The following TBC1D5 variants were observed in gnomAD, a reference collection of about 807,000 sequenced individuals.
TBC1D5 encodes TBC1 domain family member 5.
A neutral mutation model predicts 100.3 loss-of-function variants in TBC1D5; 75 were observed. That is an observed-to-expected ratio of 0.75 (90% CI 0.62 to 0.91). The LOEUF (loss-of-function observed/expected upper bound fraction) is 0.91. Ranked by LOEUF, TBC1D5 falls within the 40% of genes least tolerant of loss-of-function variation. The pLI, the probability that TBC1D5 is intolerant of heterozygous loss-of-function variation, is 0.00. For synonymous variants in TBC1D5, 323 were observed against 325.6 expected (o/e 0.99, Z 0.09); for missense variants, 910 against 942.4 (o/e 0.97, Z 0.45).
intron 15 of TBC1D5, among the ~76,000 whole-genome samples, chr3:17,269,830 C>A (rs1437011532): frequency 6.6e-6 from 1 of 152,120 alleles, no homozygotes; most frequent in Non-Finnish European, 1.5e-5. Context: ...CAGTTTCATT[C>A]CTTTTTATGG....
At chr3:17,454,059 A>C (rs2094991573) in intron 3 of TBC1D5, among the ~76,000 whole-genome samples, 1 of 152,230 alleles carries the variant, frequency 6.6e-6, no homozygotes, top group Admixed American at 6.5e-5. Flanking sequence ...GATAAAGTTC[A>C]GCATTCCTTT....
chr3:17,545,813 C>G (rs1036972888), intron 2 of TBC1D5, among the ~76,000 whole-genome samples: 1 of 152,188 alleles, frequency 6.6e-6, no homozygotes, highest in Non-Finnish European at 1.5e-5. Flanking sequence ...AACCTTCAAA[C>G]TGGTTTCTTT....
intron 19 of TBC1D5, among the ~76,000 whole-genome samples, chr3:17,171,805 A>G (rs757751213): frequency 1.3e-5 from 2 of 152,198 alleles, no homozygotes; most frequent in Non-Finnish European, 2.9e-5. Context: ...TACAGCAGCC[A>G]GACTGCCTAA....
chr3:17,720,687 G>A (rs184970027), intron 1 of TBC1D5, among the ~76,000 whole-genome samples: 135 of 152,258 alleles, frequency 8.9e-4, no homozygotes, highest in African/African-American at 3.2e-3. Flanking sequence ...GCACATACCT[G>A]TGGTCCCAGC....
Position 17,515,329 on chromosome 3 carries a change from G to GT in TBC1D5, c.-35-6725dup, listed in dbSNP as rs570419599. On this transcript the variant is annotated intron_variant, in intron 2 of 21. Transcript: ENST00000253692. ...TTATTTATCCCTTGGTTTTTATTAAGTAGTAGGGCTGGGAAACCTAAGGAC... is the reference window on the plus strand; with the variant it reads ...TTATTTATCCCTTGGTTTTTATTAAGTTAGTAGGGCTGGGAAACCTAAGGAC... Among the ~76,000 whole-genome samples, 12 of 152,232 alleles carry GT rather than the reference G, an allele frequency of 7.9e-5. No homozygotes were observed. In the East Asian group the frequency reaches 2.3e-3, roughly 29 times the overall value.
chr3:17,371,142 CAT>C (rs1172158442), intron 13 of TBC1D5, among the ~76,000 whole-genome samples: 7 of 151,940 alleles, frequency 4.6e-5, no homozygotes, highest in Non-Finnish European at 8.8e-5. Context: ...TCTGCTATGA[CAT>C]GTTACAGAAG....
intron 2 of TBC1D5, among the ~76,000 whole-genome samples, chr3:17,620,545 T>G (rs1045682959): frequency 3.3e-5 from 5 of 152,006 alleles, no homozygotes; most frequent in African/African-American, 4.8e-5. Flanking sequence ...AAAAGTGAAC[T>G]GCAAAAGAAC....
intron 3 of TBC1D5, among the ~76,000 whole-genome samples, chr3:17,443,904 G>A (rs557670689): frequency 6.1e-4 from 93 of 152,160 alleles, no homozygotes; most frequent in African/African-American, 1.3e-3. Context: ...TGAAATGAAC[G>A]GAGTGTCAAG....
intron 3 of TBC1D5, among the ~76,000 whole-genome samples, chr3:17,439,826 T>C (rs1343257485): frequency 2.0e-5 from 3 of 152,196 alleles, no homozygotes; most frequent in Non-Finnish European, 4.4e-5. Context: ...AAATGTACAA[T>C]ATTGTACAAA....
intron 13 of TBC1D5, among the ~76,000 whole-genome samples, chr3:17,343,432 T>C (rs186760508): frequency 3.3e-5 from 5 of 151,352 alleles, no homozygotes; most frequent in Admixed American, 2.6e-4. Flanking sequence ...AATTCTCTTT[T>C]TTGGTTGTGT....
chr3:17,380,217 AAAG>A (rs2152157310), intron 9 of TBC1D5, among the ~76,000 whole-genome samples: 1 of 152,198 alleles, frequency 6.6e-6, no homozygotes, highest in Admixed American at 6.6e-5. Flanking sequence ...CAATATGAAA[AAAG>A]AATAGCATTA....
chr3:17,403,082 T>C, intron 8 of TBC1D5, 99 bp downstream of exon 8: 1 of 969,014 alleles, frequency 1.0e-6, no homozygotes, highest in Middle Eastern at 3.1e-4. Context: ...GAATACTGCA[T>C]TCAATTAAGT....
intron 1 of TBC1D5, among the ~76,000 whole-genome samples, chr3:17,705,541 G>A (rs534186578): frequency 4.8e-5 from 7 of 145,140 alleles, no homozygotes; most frequent in East Asian, 2.1e-4. Flanking sequence ...CGGGGCGGCC[G>A]GGCAGAGACG....
At chr3:17,261,306 G>C (rs2078255351) in intron 15 of TBC1D5, among the ~76,000 whole-genome samples, 1 of 152,102 alleles carries the variant, frequency 6.6e-6, no homozygotes, top group African/African-American at 2.4e-5. Flanking sequence ...TCAAATCATT[G>C]TTAAAAATAC....
chr3:17,547,571 T>C (rs1305197547), intron 2 of TBC1D5, among the ~76,000 whole-genome samples: 3 of 152,230 alleles, frequency 2.0e-5, no homozygotes, highest in Non-Finnish European at 4.4e-5. Flanking sequence ...TATTTTTGAT[T>C]TCCTAGCCTA....
At chr3:17,268,755 A>C (rs1285423927) in intron 15 of TBC1D5, among the ~76,000 whole-genome samples, 3 of 152,130 alleles carry the variant, frequency 2.0e-5, no homozygotes, top group African/African-American at 7.2e-5. Context: ...ATAAAGATGT[A>C]AATTTTTCCC....
intron 1 of TBC1D5, among the ~76,000 whole-genome samples, chr3:17,656,788 G>A (rs1290600217): frequency 6.6e-6 from 1 of 151,656 alleles, no homozygotes; most frequent in Admixed American, 6.6e-5. Context: ...GCTAGAAAAT[G>A]ATGAACTAGA....
intron 17 of TBC1D5, among the ~76,000 whole-genome samples, chr3:17,225,760 C>A (rs768959866): frequency 3.9e-5 from 6 of 152,110 alleles, no homozygotes; most frequent in Non-Finnish European, 8.8e-5. Context: ...GGGACAATTA[C>A]TTGAGCCCAG....
At chr3:17,378,209 A>T (rs532299096) in intron 9 of TBC1D5, among the ~76,000 whole-genome samples, 126 of 151,988 alleles carry the variant, frequency 8.3e-4, no homozygotes, top group African/African-American at 2.9e-3. Context: ...TATCCTTGTG[A>T]TCTTTTTTTG....
Sources: allele counts gnomAD v4.1 joint callset (sites outside exome capture counted in the v4.1 genomes callset), GRCh38; gene constraint gnomAD v4.1.1; transcripts MANE v1.5; gene names NCBI Gene and HGNC (gene_info 2026-07-23, HGNC 2026-07-21).